Variants in GLB1 observed in about 807,000 individuals in gnomAD.
GLB1 encodes the protein galactosidase beta 1.
A neutral mutation model predicts 74.0 loss-of-function variants in GLB1; 56 were observed. The ratio of observed to expected loss-of-function variants is 0.76; its 90% CI spans 0.61 to 0.94. GLB1 has a LOEUF of 0.94. GLB1 is among the 40% of genes least tolerant of loss of function. GLB1 has a pLI of 0.00. For synonymous variants in GLB1, 323 were observed against 323.6 expected (o/e 1.00, Z 0.02); for missense variants, 787 against 845.5 (o/e 0.93, Z 0.86).
intron 1 of GLB1, chr3:33,094,062 C>T (rs745542079): frequency 3.7e-6 from 6 of 1,614,104 alleles, no homozygotes; most frequent in Admixed American, 3.3e-5. Context: ...AAGCTGCAAG[C>T]GAAGCAGCCA....
intron 10 of GLB1, among the ~76,000 whole-genome samples, chr3:33,033,114 T>C (rs1197139831): frequency 6.6e-6 from 1 of 152,178 alleles, no homozygotes; most frequent in Non-Finnish European, 1.5e-5. Context: ...GGATCATCCC[T>C]TCACCCAATG....
chr3:33,092,775 G>A, intron 1 of GLB1: 1 of 1,530,156 alleles, frequency 6.5e-7, no homozygotes, highest in Non-Finnish European at 8.8e-7. Context: ...AAACCACTCT[G>A]AAGCAGGATG....
At chr3:33,068,709 T>C in intron 3 of GLB1, 111 bp downstream of exon 3, 1 of 1,587,138 alleles carries the variant, frequency 6.3e-7, no homozygotes, top group African/African-American at 1.3e-5. Flanking sequence ...CTGGGTACAG[T>C]CCCAGGCCCC....
chr3:33,023,549 T>C (rs1023814619), intron 11 of GLB1, among the ~76,000 whole-genome samples: 1 of 152,048 alleles, frequency 6.6e-6, no homozygotes, highest in African/African-American at 2.4e-5. Context: ...AAGAAATAGG[T>C]AACGGTTCTT....
chr3:33,064,580 C>G (rs1294549562), intron 5 of GLB1, among the ~76,000 whole-genome samples: 1 of 151,580 alleles, frequency 6.6e-6, no homozygotes, highest in African/African-American at 2.4e-5. Flanking sequence ...AGTTTGAGAC[C>G]AGCCTGGCCA....
At chr3:32,978,826 T>C in the GLB1 span, among the ~76,000 whole-genome samples, 1 of 148,046 alleles carries the variant, frequency 6.8e-6, no homozygotes, top group South Asian at 2.2e-4. Context: ...AGCGACATGA[T>C]CTTGGCTCAC....
chr3:33,056,858 CT>C (rs1340613307), intron 6 of GLB1, among the ~76,000 whole-genome samples: 1 of 152,294 alleles, frequency 6.6e-6, no homozygotes, highest in East Asian at 1.9e-4. Context: ...GGAAATTATA[CT>C]GATACAGTAC....
intron 2 of GLB1, among the ~76,000 whole-genome samples, chr3:33,070,125 G>A (rs1226905192): frequency 6.6e-6 from 1 of 152,156 alleles, no homozygotes; most frequent in East Asian, 1.9e-4. Flanking sequence ...TGCTGTAAAG[G>A]ACATGATCTC....
chr3:32,968,861 G>C, the GLB1 span, among the ~76,000 whole-genome samples: 2 of 152,264 alleles, frequency 1.3e-5, no homozygotes, highest in East Asian at 3.9e-4. Flanking sequence ...GCATCGCCCA[G>C]TGACATACTT....
chr3:33,082,809 T>C (rs954934407), intron 1 of GLB1, among the ~76,000 whole-genome samples: 2 of 152,168 alleles, frequency 1.3e-5, no homozygotes, highest in Non-Finnish European at 2.9e-5. Context: ...TCATGGACTG[T>C]CATGGTCTGA....
intron 10 of GLB1, chr3:33,045,666 G>A (rs1192440211): frequency 3.0e-6 from 3 of 1,013,140 alleles, no homozygotes; most frequent in Non-Finnish European, 3.6e-6. Context: ...CATTAGCTGT[G>A]TCTCAAGGAT....
Position 33,018,565 on chromosome 3 carries a change from G to C in GLB1, c.1234-4C>G. ...GGTACAGCACAAACCCATAATGCTGGTTAGAAAAGGATTTAAGAAAAATAC... is the reference window on the plus strand; with the variant it reads ...GGTACAGCACAAACCCATAATGCTGCTTAGAAAAGGATTTAAGAAAAATAC... On this transcript the variant is annotated splice_region_variant and splice_polypyrimidine_tract_variant and intron_variant, in intron 12 of 15. Transcript: ENST00000307363. 6.2e-7 allele frequency: 1 copy of C among 1,614,028 alleles called. No homozygotes were observed. Among genetic ancestry groups the C allele is most frequent in the African/African-American group, 1.3e-5 (1 of 75,006 alleles).
chr3:33,091,707 G>A (rs969287320), intron 1 of GLB1: 8 of 985,230 alleles, frequency 8.1e-6, no homozygotes, highest in East Asian at 1.1e-4. Context: ...CCCACCCAAC[G>A]CTGCCCTATG....
At chr3:33,058,881 T>G (rs1431182233) in intron 5 of GLB1, among the ~76,000 whole-genome samples, 1 of 152,258 alleles carries the variant, frequency 6.6e-6, no homozygotes, top group Non-Finnish European at 1.5e-5. Flanking sequence ...CATGTTTATT[T>G]GACCTGCTGT....
chr3:33,093,476 G>C lies in GLB1; in HGVS notation c.75+3535C>G. 9.9e-6 allele frequency: 16 copies of C among 1,614,128 alleles called. No individual in the cohort carries two copies. Among genetic ancestry groups the C allele is most frequent in the Non-Finnish European group, 1.4e-5 (16 of 1,180,044 alleles). On this transcript the variant is annotated intron_variant, in intron 1 of 15. Transcript: ENST00000307363. This position sits in a 1 kb window ranked among gnomAD's most constrained non-coding sequence, Gnocchi z 6.0. ...CGGAGAGGTCACCCACAATCACCGT[G>C]ATGTCTGGTTCCAGCACATTCACCA...
At chr3:32,997,430 G>T in intron 15 of GLB1, 86 bp from the exon 16 acceptor site, 1 of 1,580,054 alleles carries the variant, frequency 6.3e-7, no homozygotes. Flanking sequence ...GGGCAGGCCA[G>T]CAGCAATGGA....
At chr3:33,030,490 G>A in intron 10 of GLB1, 1 of 985,262 alleles carries the variant, frequency 1.0e-6, no homozygotes, top group Non-Finnish European at 1.2e-6. Context: ...TAAAACACTG[G>A]TTTTCACCAG....
intron 15 of GLB1, among the ~76,000 whole-genome samples, chr3:32,999,247 T>C (rs934928604): frequency 2.6e-5 from 4 of 152,346 alleles, no homozygotes; most frequent in South Asian, 2.1e-4. Flanking sequence ...AAAAGGTATA[T>C]ACAATGACAG....
chr3:32,975,832 G>A, the GLB1 span, among the ~76,000 whole-genome samples: 2 of 152,204 alleles, frequency 1.3e-5, no homozygotes, highest in African/African-American at 2.4e-5. Context: ...ATCTGGAGGA[G>A]AATAAAGTAA....
Sources: allele counts gnomAD v4.1 joint callset (sites outside exome capture counted in the v4.1 genomes callset), GRCh38; gene constraint gnomAD v4.1.1; non-coding constraint Gnocchi (gnomAD v3.1); transcripts MANE v1.5; gene names NCBI Gene and HGNC (gene_info 2026-07-23, HGNC 2026-07-21).